DIAPH3: variants seen among roughly 807,000 people sequenced by gnomAD.
The protein encoded by DIAPH3 is diaphanous related formin 3, also known as protein diaphanous homolog 3.
Under a neutral mutation model 144.3 loss-of-function variants are expected in DIAPH3, and 117 were observed. That is an observed-to-expected ratio of 0.81 (90% confidence interval 0.70 to 0.95). The LOEUF (loss-of-function observed/expected upper bound fraction) is 0.95, where lower values mean the gene tolerates loss of function less well. Among genes scored for constraint, DIAPH3 ranks in the 40% least tolerant of loss-of-function variants. DIAPH3 has a pLI of 0.00. For synonymous variants in DIAPH3, 519 were observed against 488.9 expected, an observed-to-expected ratio of 1.06 and a Z score of -0.81; for missense variants, 1,421 against 1,412.7, an observed-to-expected ratio of 1.01 and a Z score of -0.09.
chr13:59,759,903 C>T (rs533594612), intron 27 of DIAPH3, among the ~76,000 whole-genome samples: 11 of 152,106 alleles, frequency 7.2e-5, no homozygotes, highest in South Asian at 6.2e-4. Flanking sequence ...GCCGAGATCG[C>T]GCCCACTGCA....
intron 24 of DIAPH3, among the ~76,000 whole-genome samples, chr13:59,826,762 C>T (rs910579097): frequency 2.6e-4 from 39 of 152,082 alleles, no homozygotes; most frequent in Admixed American, 1.1e-3. Context: ...GGAGGCATCA[C>T]GCTACCTGAC....
At chr13:59,752,478 C>G (rs916498473) in intron 27 of DIAPH3, among the ~76,000 whole-genome samples, 2 of 151,964 alleles carry the variant, frequency 1.3e-5, no homozygotes, top group Admixed American at 6.6e-5. Context: ...AGCAATCCTC[C>G]CATCTCAGCC....
At chr13:59,717,028 C>T (rs1228490057) in intron 27 of DIAPH3, among the ~76,000 whole-genome samples, 1 of 151,522 alleles carries the variant, frequency 6.6e-6, no homozygotes, top group Non-Finnish European at 1.5e-5. Flanking sequence ...TCATAAAATG[C>T]AACAGAAACA....
At position 60,019,938 on chromosome 13, in the gene DIAPH3, T is replaced by A. The variant is rs1342270085; in HGVS notation, c.627-3793A>T. Reference sequence around the variant, plus strand: ...TTTGTTTTGTTTAAAGTTATTACCTTTCTTCCCAGATGTGCTCGTAGAAAG... The same window carrying A: ...TTTGTTTTGTTTAAAGTTATTACCTATCTTCCCAGATGTGCTCGTAGAAAG... On this transcript the variant is annotated intron_variant, in intron 5 of 27. Transcript: ENST00000400324. Among the ~76,000 whole-genome samples, 3 of 152,204 alleles carry A rather than the reference T, an allele frequency of 2.0e-5. No individual in the cohort carries two copies. The East Asian group carries it at 5.8e-4, about 29-fold the overall frequency.
intron 17 of DIAPH3, among the ~76,000 whole-genome samples, chr13:59,952,356 T>A (rs1000495395): frequency 1.3e-5 from 2 of 152,184 alleles, no homozygotes; most frequent in Non-Finnish European, 2.9e-5. Flanking sequence ...TATTCATAGT[T>A]AATTTTATGT....
intron 5 of DIAPH3, among the ~76,000 whole-genome samples, chr13:60,022,444 G>A (rs1276166594): frequency 6.6e-6 from 1 of 152,118 alleles, no homozygotes; most frequent in African/African-American, 2.4e-5. Context: ...GTTTCCTGGG[G>A]CTGCAGGAAA....
intron 17 of DIAPH3, among the ~76,000 whole-genome samples, chr13:59,967,584 GT>G (rs1345852318): frequency 1.3e-5 from 2 of 152,046 alleles, no homozygotes; most frequent in Non-Finnish European, 2.9e-5. Context: ...CCTATTAAAT[GT>G]CTATATAAAA....
At chr13:59,722,119 C>T (rs973847307) in intron 27 of DIAPH3, among the ~76,000 whole-genome samples, 1 of 152,112 alleles carries the variant, frequency 6.6e-6, no homozygotes, top group Non-Finnish European at 1.5e-5. Flanking sequence ...ATTCAAAGCC[C>T]TTAGGAATTC....
At position 60,114,642 on chromosome 13, in the gene DIAPH3, GACACACACAC is replaced by G. The variant is rs34572381; in HGVS notation, c.214-2466_214-2457del. ...AGCAAAACCCAAAAAGAATACAAAA[GACACACACAC>G]ACACACACACACACACACACAAACA... On this transcript the variant is annotated intron_variant, in intron 2 of 27. Transcript: ENST00000400324. Among the ~76,000 whole-genome samples, 6 of 148,108 alleles carry G rather than the reference GACACACACAC, an allele frequency of 4.1e-5. No individual in the cohort carries two copies. The South Asian group carries it at 6.5e-4, about 16-fold the overall frequency.
chr13:59,760,796 C>A (rs2037537497), intron 27 of DIAPH3, among the ~76,000 whole-genome samples: 1 of 152,058 alleles, frequency 6.6e-6, no homozygotes, highest in African/African-American at 2.4e-5. Flanking sequence ...CTATTGTTTT[C>A]TTTGGTATAT....
At chr13:59,699,740 G>A (rs1019181305) in intron 27 of DIAPH3, among the ~76,000 whole-genome samples, 2 of 152,160 alleles carry the variant, frequency 1.3e-5, no homozygotes, top group Admixed American at 6.5e-5. Context: ...AGAATGATAG[G>A]CTTACATGGA....
At chr13:60,139,227 T>G (rs2059372630) in intron 1 of DIAPH3, among the ~76,000 whole-genome samples, 1 of 152,208 alleles carries the variant, frequency 6.6e-6, no homozygotes, top group Non-Finnish European at 1.5e-5. Context: ...GAAGCTTTCA[T>G]AGCACTGAGG....
chr13:59,666,584 T>G lies in DIAPH3; in HGVS notation c.3582A>C (p.Ter1194TyrextTer10). 1 of 1,614,088 alleles carries G rather than the reference T, an allele frequency of 6.2e-7. No homozygotes were observed. The highest frequency in any genetic ancestry group is 1.7e-5 in the Admixed American group (1 of 60,014). ...EALLARLRAL[*>Y] ...CATTTTTTTTAAAAACCAGTTTAAC[T>G]TATAAAGCTCGTAATCTTGCCAGCA... The change falls in exon 28 of 28, where the codon TAA becomes TAC. Residue 1194 changes from the stop codon to tyrosine (Y), a stop_lost. Coordinates refer to ENST00000400324, the MANE Select transcript of DIAPH3 (RefSeq NM_001042517.2).
At chr13:59,770,540 C>T (rs567341477) in intron 27 of DIAPH3, among the ~76,000 whole-genome samples, 92 of 152,224 alleles carry the variant, frequency 6.0e-4, no homozygotes, top group Non-Finnish European at 1.2e-3. Context: ...CTACAAGGTT[C>T]AGACTGGGGT....
chr13:60,062,449 G>A (rs2056810832), intron 4 of DIAPH3, among the ~76,000 whole-genome samples: 4 of 151,992 alleles, frequency 2.6e-5, no homozygotes, highest in Non-Finnish European at 5.9e-5. Context: ...GTTTTTTTAC[G>A]ATTACTACTT....
At chr13:59,983,973 C>G in intron 12 of DIAPH3, 86 bp from the exon 13 acceptor site, 1 of 825,996 alleles carries the variant, frequency 1.2e-6, no homozygotes, top group East Asian at 2.5e-5. Context: ...AGATTGATTT[C>G]AAGTTCAACA....
At chr13:60,018,026 G>A (rs1352324653) in intron 5 of DIAPH3, among the ~76,000 whole-genome samples, 1 of 152,156 alleles carries the variant, frequency 6.6e-6, no homozygotes, top group African/African-American at 2.4e-5. Flanking sequence ...TATTTCACAT[G>A]CAGCAGGGAA....
intron 27 of DIAPH3, among the ~76,000 whole-genome samples, chr13:59,752,352 G>A (rs2037050570): frequency 6.6e-6 from 1 of 151,322 alleles, no homozygotes. Context: ...ACCACAATAA[G>A]CAATAATGTA....
intron 27 of DIAPH3, among the ~76,000 whole-genome samples, chr13:59,763,189 TTC>T (rs2037691750): frequency 6.6e-6 from 1 of 152,174 alleles, no homozygotes; most frequent in Non-Finnish European, 1.5e-5. Context: ...TGTTTCCTAA[TTC>T]TTTTTCATAC....
Sources: gnomAD v4.1 joint callset for allele counts (sites outside exome capture counted in the v4.1 genomes callset) on GRCh38, gnomAD v4.1.1 for gene constraint, MANE v1.5 for transcripts, NCBI Gene and HGNC (gene_info 2026-07-23, HGNC 2026-07-21) for gene names.